TRIM65: variants seen among roughly 807,000 people sequenced by gnomAD.
The protein encoded by TRIM65 is tripartite motif containing 65.
A neutral mutation model predicts 36.1 loss-of-function variants in TRIM65; 46 were observed. That is an observed-to-expected ratio of 1.27 (90% CI 1.01 to 1.63). TRIM65 has a LOEUF of 1.63. Ranked by LOEUF, TRIM65 falls within the 40% of genes most tolerant of loss-of-function variation. TRIM65 has a pLI of 0.00. For synonymous variants in TRIM65, 346 were observed against 313.6 expected (o/e 1.10, Z -1.09); for missense variants, 708 against 696.6 (o/e 1.02, Z -0.18).
Position 75,896,676 on chromosome 17 carries a change from C to G in TRIM65, c.262G>C (p.Gly88Arg). The part of the protein sequence containing the change: ...ARDPGPDPGP[G>R]PDPAARCPRH... ...GGGCAGCGCGCGGCAGGGTCGGGGC[C>G]GGGGCCGGGATCGGGGCCGGGATCC... Residue 88 changes from glycine to arginine, a missense_variant, in exon 1 of 6, where the codon GGC (glycine) becomes CGC (arginine). Gly to Arg is a moderately radical substitution (Grantham distance 125, BLOSUM62 -2). Transcript: ENST00000269383. 2 of 1,286,708 alleles carry G rather than the reference C, an allele frequency of 1.6e-6. No individual in the cohort carries two copies. Among genetic ancestry groups the G allele is most frequent in the Middle Eastern group, 3.0e-4 (1 of 3,336 alleles). 79.7% of individuals were successfully genotyped at this position (1,286,708 alleles called of 1,614,324 possible).
At chr17:75,879,784 G>A (rs571562930), downstream of TRIM65, among the ~76,000 whole-genome samples, 2 of 150,046 alleles carry the variant, frequency 1.3e-5, no homozygotes, top group East Asian at 3.9e-4. Flanking sequence ...ATGGAGTTTC[G>A]CTCTTGTCGC....
downstream of TRIM65, among the ~76,000 whole-genome samples, chr17:75,887,018 G>A (rs1001175527): frequency 1.4e-4 from 22 of 151,924 alleles, no homozygotes; most frequent in African/African-American, 4.4e-4. Flanking sequence ...TTAGCTGGGC[G>A]AGGTGGTATG....
At chr17:75,881,235 CAAAA>C (rs58718762) in intron 4 of TRIM65, among the ~76,000 whole-genome samples, 23 of 110,348 alleles carry the variant, frequency 2.1e-4, no homozygotes, top group African/African-American at 6.5e-4. Context: ...GACTCCATCT[CAAAA>C]AAAAAAAAAA....
intron 1 of TRIM65, among the ~76,000 whole-genome samples, chr17:75,893,613 T>C (rs2065304452): frequency 6.6e-6 from 1 of 152,104 alleles, no homozygotes; most frequent in Non-Finnish European, 1.5e-5. Context: ...TGGGGACCAT[T>C]ACTATCCCCA....
Position 75,891,286 on chromosome 17 carries a change from CTGGCGCGACAGATAGAAGTGACGG to C in TRIM65, c.1023_1046del (p.Asn341_Gln349delinsLys). ...GACGACAGTGCTTCACCTGCTGGTCCTGGCGCGACAGATAGAAGTGACGGTTGGCGCTGACTGGATCAAAGGTCA... is the reference window on the plus strand; with the variant it reads ...GACGACAGTGCTTCACCTGCTGGTCCTTGGCGCTGACTGGATCAAAGGTCA... On this transcript the variant is annotated inframe_deletion, in exon 6 of 6. Transcript: ENST00000269383. 6.2e-7 allele frequency: 1 copy of C among 1,613,288 alleles called. No individual in the cohort carries two copies. The highest frequency in any genetic ancestry group is 1.1e-5 in the South Asian group (1 of 91,086).
rs141383528 is a variant in TRIM65, at chr17:75,891,086, A to G, written c.1247T>C (p.Ile416Thr). ...CCCCCAGGAGCAGGGTCCCCGGCCA[A>G]TGTTGTCTGTGTGGGGCCCCAGCCT... The part of the protein sequence containing the change: ...RCRLGPHTDN[I>T]GRGPCSWGLC... Residue 416 changes from isoleucine to threonine, a missense_variant, in exon 6 of 6, where the codon ATT becomes ACT. Physicochemically the swap from Ile to Thr is moderately conservative, Grantham distance 89. Transcript: ENST00000269383. 120 of 1,611,016 alleles carry G rather than the reference A, an allele frequency of 7.4e-5. 1 individual carries two copies. In the African/African-American group the frequency reaches 8.4e-4, roughly 11 times the overall value.
rs1436931951 is a variant in TRIM65, at chr17:75,896,842, G to A, written c.96C>T (p.Cys32=). ...CCCACCAGTCCCGGATGCAGGCCCC[G>A]CAGAAGTTGTGGCCGCAGGGCAGCG... The part of the protein sequence containing the change: ...PVTLPCGHNF[C]GACIRDWWDR... Residue 32 remains cysteine, a synonymous_variant, in exon 1 of 6, where the codon TGC becomes TGT. Transcript: ENST00000269383. 1.4e-5 allele frequency: 21 copies of A among 1,528,376 alleles called. No individual in the cohort carries two copies. Among genetic ancestry groups the A allele is most frequent in the Non-Finnish European group, 1.8e-5 (20 of 1,140,338 alleles). 94.7% of individuals were successfully genotyped at this position (1,528,376 alleles called of 1,614,324 possible).
chr17:75,895,078 T>C (rs1330558021), intron 1 of TRIM65, among the ~76,000 whole-genome samples: 1 of 152,148 alleles, frequency 6.6e-6, no homozygotes, highest in African/African-American at 2.4e-5. Context: ...GGCCAAACTC[T>C]GCCCTCCACC....
Position 75,896,557 on chromosome 17 carries a change from C to T in TRIM65, c.381G>A (p.Arg127=). ...TGAGGCGCTCGGCATCCAGCAGCGCCCGCTCGTGGAGGCGACACTCGCGCA... is the reference window on the plus strand; with the variant it reads ...TGAGGCGCTCGGCATCCAGCAGCGCTCGCTCGTGGAGGCGACACTCGCGCA... The part of the protein sequence containing the change: ...CTVRECRLHE[R]ALLDAERLKR... The change falls in exon 1 of 6, where the codon CGG becomes CGA. Residue 127 remains arginine, a synonymous_variant. Coordinates refer to ENST00000269383, the MANE Select transcript of TRIM65 (RefSeq NM_173547.4). 1 of 1,360,060 alleles carries T rather than the reference C, an allele frequency of 7.4e-7. No individual in the cohort carries two copies. Among genetic ancestry groups the T allele is most frequent in the Non-Finnish European group, 9.5e-7 (1 of 1,057,612 alleles). The allele number at this position is 1,360,060 out of a possible 1,614,324, so 84.2% of individuals were successfully genotyped here.
Position 75,890,574 on chromosome 17 carries a change from T to G in TRIM65, c.*205A>C. ...TTCTCTCTGGGGCAAGGGCATCCCA[T>G]TTATCCCCCTCCTAGACTGTGTCCC... On this transcript the variant is annotated 3_prime_UTR_variant, in exon 6 of 6. Transcript: ENST00000269383. 2.0e-6 allele frequency: 1 copy of G among 494,128 alleles called. No homozygotes were observed. The highest frequency in any genetic ancestry group is 3.5e-6 in the Non-Finnish European group (1 of 287,054). The allele number at this position is 494,128 out of a possible 1,614,324, so 30.6% of individuals were successfully genotyped here.
intron 2 of TRIM65, 35 bp from the exon 3 acceptor site, chr17:75,892,535 G>A: frequency 6.3e-7 from 1 of 1,585,866 alleles, no homozygotes; most frequent in Non-Finnish European, 8.6e-7. Context: ...AGGGTGGCCA[G>A]GGCCCTGTGC....
At chr17:75,892,985 AC>A in intron 1 of TRIM65, 135 bp from the exon 2 acceptor site, 1 of 739,618 alleles carries the variant, frequency 1.4e-6, no homozygotes, top group Non-Finnish European at 2.2e-6. Context: ...CCTCCAGAGC[AC>A]CGGCCTCGGT....
chr17:75,892,782 C>CTCTAGTAGCTGGCCT lies in TRIM65; in HGVS notation c.468_482dup (p.Gly157_Glu161dup). ...GGATCTGGCTGCTTTGCTTGCGCAG[C>CTCTAGTAGCTGGCCT]TCTAGTAGCTGGCCTTCGGCCTGGG... On this transcript the variant is annotated inframe_insertion, in exon 2 of 6. Coordinates refer to ENST00000269383, the MANE Select transcript of TRIM65 (RefSeq NM_173547.4). The CTCTAGTAGCTGGCCT allele has an allele frequency of 6.2e-7, 1 of 1,604,592 alleles. No individual in the cohort carries two copies. The highest frequency in any genetic ancestry group is 8.5e-7 in the Non-Finnish European group (1 of 1,179,910).
At position 75,883,507 on chromosome 17, in the gene TRIM65, TCTCA is replaced by T. The variant is rs550175194; in HGVS notation, c.350-2882_350-2879del. ...TTCTGTTTGTTTCATTGTCTTTTTT[TCTCA>T]CTGTCTCTGAACAAGTTTTTTTTTT... On this transcript the variant is annotated intron_variant, in intron 4 of 4. Transcript: ENST00000591668. 3.0e-3 allele frequency among the ~76,000 whole-genome samples: 446 copies of T among 151,008 alleles called. 5 individuals carry two copies. The highest frequency in any genetic ancestry group is 0.01 in the African/African-American group (420 of 41,256).
At chr17:75,886,200 C>G (rs978889460), downstream of TRIM65, among the ~76,000 whole-genome samples, 2 of 152,136 alleles carry the variant, frequency 1.3e-5, no homozygotes, top group African/African-American at 4.8e-5. Context: ...GTGAGGCCTC[C>G]CCAGGCATGT....
At chr17:75,892,730 G>A (rs1335308453) in intron 2 of TRIM65, 25 bp downstream of exon 2, 5 of 1,591,290 alleles carry the variant, frequency 3.1e-6, no homozygotes, top group Non-Finnish European at 4.3e-6. Context: ...AGGCCATGGT[G>A]GGCGGGCAGG....
At chr17:75,881,722 G>C (rs2065170571) in intron 4 of TRIM65, among the ~76,000 whole-genome samples, 1 of 150,592 alleles carries the variant, frequency 6.6e-6, no homozygotes, top group African/African-American at 2.5e-5. Flanking sequence ...TGCTCCTGGG[G>C]GCTCCATGGG....
Position 75,896,843 on chromosome 17 carries a change from CAGA to C in TRIM65, c.92_94del (p.Phe31del), listed in dbSNP as rs1212727275. ...CCACCAGTCCCGGATGCAGGCCCCGCAGAAGTTGTGGCCGCAGGGCAGCGTCAC... is the reference window on the plus strand; with the variant it reads ...CCACCAGTCCCGGATGCAGGCCCCGCAGTTGTGGCCGCAGGGCAGCGTCAC... On this transcript the variant is annotated inframe_deletion, in exon 1 of 6. Coordinates refer to ENST00000269383, the MANE Select transcript of TRIM65 (RefSeq NM_173547.4). The C allele has an allele frequency of 1.0e-5, 16 of 1,529,362 alleles. No individual in the cohort carries two copies. Among genetic ancestry groups the C allele is most frequent in the Non-Finnish European group, 1.4e-5 (16 of 1,140,720 alleles). The allele number at this position is 1,529,362 out of a possible 1,614,324, so 94.7% of individuals were successfully genotyped here.
At chr17:75,887,931 G>T (rs2065221282), downstream of TRIM65, among the ~76,000 whole-genome samples, 1 of 152,070 alleles carries the variant, frequency 6.6e-6, no homozygotes, top group African/African-American at 2.4e-5. Flanking sequence ...CAAGGTGGGT[G>T]GATCACAAGG....
Sources: allele counts gnomAD v4.1 joint callset (sites outside exome capture counted in the v4.1 genomes callset), GRCh38; gene constraint gnomAD v4.1.1; transcripts MANE v1.5; gene names NCBI Gene and HGNC (gene_info 2026-07-23, HGNC 2026-07-21).